Variants in KCNG3 observed in about 807,000 individuals in gnomAD.
The protein encoded by KCNG3 is voltage-gated potassium channel regulatory subunit KCNG3.
KCNG3 carries 15 observed loss-of-function variants against 29.0 expected under a neutral mutation model. The observed-to-expected ratio is 0.52, with a 90% CI of 0.35 to 0.80. The LOEUF (loss-of-function observed/expected upper bound fraction) is 0.80, where lower values mean the gene tolerates loss of function less well. Among genes scored for constraint, KCNG3 ranks in the 30% least tolerant of loss-of-function variants. The pLI, the probability that KCNG3 is intolerant of heterozygous loss-of-function variation, is 0.01. For synonymous variants in KCNG3, 322 were observed against 248.9 expected (o/e 1.29, Z -2.76); for missense variants, 512 against 605.7 (o/e 0.85, Z 1.62).
the KCNG3 span, among the ~76,000 whole-genome samples, chr2:42,398,359 C>A: frequency 6.6e-6 from 1 of 152,028 alleles, no homozygotes; most frequent in Non-Finnish European, 1.5e-5. Flanking sequence ...ATTTTGGTGG[C>A]CCTTGTTTTG....
At chr2:42,448,386 T>TA (rs57260426) in intron 1 of KCNG3, among the ~76,000 whole-genome samples, 15 of 145,230 alleles carry the variant, frequency 1.0e-4, no homozygotes, top group African/African-American at 3.1e-4. Context: ...TTTATTTATT[T>TA]TTTGTATGGC....
chr2:42,409,763 G>A, the KCNG3 span, among the ~76,000 whole-genome samples: 96 of 145,024 alleles, frequency 6.6e-4, no homozygotes, highest in Non-Finnish European at 1.3e-3. Context: ...AAAAGCTCGC[G>A]CTCCCACCCT....
chr2:42,456,861 A>G (rs1240875481), intron 1 of KCNG3, among the ~76,000 whole-genome samples: 1 of 152,170 alleles, frequency 6.6e-6, no homozygotes, highest in East Asian at 1.9e-4. Flanking sequence ...ATCAACAGCC[A>G]CTTCATTACC....
the KCNG3 span, among the ~76,000 whole-genome samples, chr2:42,400,937 C>T: frequency 2.6e-5 from 4 of 151,942 alleles, no homozygotes; most frequent in Non-Finnish European, 4.4e-5. Flanking sequence ...TATTTCATCT[C>T]TCTTCTCTCA....
the KCNG3 span, among the ~76,000 whole-genome samples, chr2:42,410,145 C>T: frequency 1.3e-5 from 2 of 152,118 alleles, no homozygotes; most frequent in Non-Finnish European, 1.5e-5. Context: ...CTTCCTACTT[C>T]TTTATTGTTG....
At chr2:42,479,821 G>A (rs967316057) in intron 1 of KCNG3, among the ~76,000 whole-genome samples, 1 of 152,104 alleles carries the variant, frequency 6.6e-6, no homozygotes, top group Non-Finnish European at 1.5e-5. Context: ...GACCTGCCTG[G>A]GCAACATGGT....
intron 1 of KCNG3, among the ~76,000 whole-genome samples, chr2:42,489,935 G>A (rs1416864114): frequency 2.0e-5 from 3 of 152,118 alleles, no homozygotes; most frequent in African/African-American, 4.8e-5. Flanking sequence ...CTCCCTCTGG[G>A]AAGATCTCCA....
At chr2:42,470,071 T>C in intron 1 of KCNG3, 1 of 504,418 alleles carries the variant, frequency 2.0e-6, no homozygotes, top group South Asian at 2.7e-5. Flanking sequence ...TCCCTGAAGA[T>C]CTCTACCATT....
intron 1 of KCNG3, among the ~76,000 whole-genome samples, chr2:42,483,729 G>C (rs1266458532): frequency 2.0e-5 from 3 of 152,164 alleles, no homozygotes; most frequent in African/African-American, 7.2e-5. Flanking sequence ...CCATGCAGTG[G>C]AATGCTATAC....
At chr2:42,425,042 C>T in the KCNG3 span, 1 of 152,202 alleles carries the variant, frequency 6.6e-6, no homozygotes, top group Non-Finnish European at 1.5e-5. Context: ...GAAACCCCCT[C>T]CTGGCGCTGC....
the KCNG3 span, among the ~76,000 whole-genome samples, chr2:42,397,072 C>T: frequency 6.6e-6 from 1 of 152,014 alleles, no homozygotes; most frequent in Non-Finnish European, 1.5e-5. Flanking sequence ...TGGCGAAAAC[C>T]TGTCTCTACT....
the KCNG3 span, among the ~76,000 whole-genome samples, chr2:42,428,115 G>C: frequency 1.3e-5 from 2 of 151,872 alleles, no homozygotes; most frequent in African/African-American, 4.8e-5. Context: ...CCTTAAAATA[G>C]AAAGTATTCA....
At chr2:42,475,520 G>C (rs1364407286) in intron 1 of KCNG3, among the ~76,000 whole-genome samples, 3 of 151,388 alleles carry the variant, frequency 2.0e-5, no homozygotes, top group Admixed American at 6.6e-5. Flanking sequence ...TGTAGACACG[G>C]GATTTCGCCA....
At chr2:42,485,590 G>GC (rs1389720960) in intron 1 of KCNG3, among the ~76,000 whole-genome samples, 1 of 151,928 alleles carries the variant, frequency 6.6e-6, no homozygotes, top group Non-Finnish European at 1.5e-5. Context: ...GACTACAGGC[G>GC]CCCGCCACCA....
At chr2:42,486,560 C>A (rs1673731315) in intron 1 of KCNG3, among the ~76,000 whole-genome samples, 1 of 152,254 alleles carries the variant, frequency 6.6e-6, no homozygotes, top group Admixed American at 6.5e-5. Context: ...CCAACCTCAT[C>A]TACCCTTGGA....
intron 1 of KCNG3, among the ~76,000 whole-genome samples, chr2:42,473,233 G>A (rs1673336662): frequency 6.6e-6 from 1 of 151,958 alleles, no homozygotes; most frequent in Non-Finnish European, 1.5e-5. Context: ...CTTTAATTGG[G>A]TAGTGGGTAA....
At chr2:42,427,568 T>C in the KCNG3 span, among the ~76,000 whole-genome samples, 1 of 151,332 alleles carries the variant, frequency 6.6e-6, no homozygotes, top group African/African-American at 2.4e-5. Flanking sequence ...ATCTCGCCAC[T>C]GGACTCAAGC....
chr2:42,446,430 C>T (rs931824343), intron 1 of KCNG3, among the ~76,000 whole-genome samples: 1 of 152,116 alleles, frequency 6.6e-6, no homozygotes, highest in East Asian at 1.9e-4. Context: ...CCGCCCACCT[C>T]GACCTCCCAA....
chr2:42,395,514 T>C, the KCNG3 span, among the ~76,000 whole-genome samples: 1 of 152,166 alleles, frequency 6.6e-6, no homozygotes, highest in Non-Finnish European at 1.5e-5. Context: ...TTTTACTGTA[T>C]TGTTTACTTT....
Sources: allele counts gnomAD v4.1 joint callset (sites outside exome capture counted in the v4.1 genomes callset), GRCh38; gene constraint gnomAD v4.1.1; transcripts MANE v1.5; gene names NCBI Gene and HGNC (gene_info 2026-07-23, HGNC 2026-07-21).